The following ZNF529 variants were observed in gnomAD, a reference collection of about 807,000 sequenced individuals.
The protein encoded by ZNF529 is zinc finger protein 529.
In ZNF529, 11 loss-of-function variants were observed where a neutral mutation model predicts 10.1. That is an observed-to-expected ratio of 1.09 (90% CI 0.69 to 1.81). The LOEUF is 1.81. Ranked by LOEUF, ZNF529 falls within the 40% of genes most tolerant of loss-of-function variation. The pLI, the probability that ZNF529 is intolerant of heterozygous loss-of-function variation, is 0.00. For missense variants in ZNF529, 624 were observed against 666.8 expected (o/e 0.94, Z 0.71); for synonymous variants, 204 against 215.7 (o/e 0.95, Z 0.47).
In ZNF529 at chr19:36,551,303, T is replaced by C. The variant is rs543273679; in HGVS notation, c.236-2981A>G. ...GGTCTGGGATAGGGAGGGTATGGAA[T>C]GAGCCTTGGATAAGCTTTGGACAAA... On this transcript the variant is annotated intron_variant, in intron 4 of 4. Coordinates refer to ENST00000591340, the MANE Select transcript of ZNF529 (RefSeq NM_020951.5). Among the ~76,000 whole-genome samples, 20 of 152,328 alleles carry C rather than the reference T, an allele frequency of 1.3e-4. No homozygotes were observed. In the East Asian group the frequency reaches 3.5e-3, roughly 26 times the overall value.
chr19:36,591,190 T>G (rs1568617386), intron 1 of ZNF529, among the ~76,000 whole-genome samples: 3 of 150,380 alleles, frequency 2.0e-5, no homozygotes, highest in Non-Finnish European at 2.9e-5. Context: ...TCCCAGCTAC[T>G]CGGGAGGCTG....
chr19:36,575,452 T>G (rs2036292452), upstream of ZNF529, among the ~76,000 whole-genome samples: 2 of 149,644 alleles, frequency 1.3e-5, no homozygotes, highest in Non-Finnish European at 3.0e-5. Flanking sequence ...AGATTTGAGG[T>G]CCCCTCCCAC....
rs1307921588 is a variant in ZNF529 at position 36,547,689 on chromosome 19, G to T, written c.869C>A (p.Ser290Tyr). The change falls in exon 5 of 5, where the codon TCC becomes TAC. Residue 290 changes from serine (S) to tyrosine (Y), a missense_variant. Physicochemically the swap from Ser to Tyr is moderately radical, Grantham distance 144. Coordinates refer to ENST00000591340, the MANE Select transcript of ZNF529 (RefSeq NM_020951.5). Reference protein sequence around the residue: ...KHFECSFCGKSFRVHAQLTRH... With the variant: ...KHFECSFCGKYFRVHAQLTRH... ...AGTAAGTTGTGCATGCACTCTAAAG[G>T]ATTTCCCACAGAATGAGCATTCAAA... The T allele has an allele frequency of 2.5e-6, 4 of 1,613,840 alleles. No individual in the cohort carries two copies. In the East Asian group the frequency reaches 8.9e-5, roughly 36 times the overall value.
At chr19:36,561,799 T>A (rs1353637035) in intron 2 of ZNF529, among the ~76,000 whole-genome samples, 1 of 152,216 alleles carries the variant, frequency 6.6e-6, no homozygotes, top group Non-Finnish European at 1.5e-5. Flanking sequence ...CCAACCCCCA[T>A]CCCAGTGTGT....
In ZNF529 at chr19:36,547,206, T is replaced by C. The variant is rs796075805; in HGVS notation, c.1352A>G (p.Glu451Gly). ...ERIHSGQKPY[E>G]CKECGKFFRL... ...AAAGAACTTTCCACACTCCTTACATTCATAAGGTTTTTGACCACTGTGAAT... is the reference window on the plus strand; with the variant it reads ...AAAGAACTTTCCACACTCCTTACATCCATAAGGTTTTTGACCACTGTGAAT... Residue 451 changes from glutamate to glycine, a missense_variant, in exon 5 of 5, where the codon GAA becomes GGA. Coordinates refer to ENST00000591340, the MANE Select transcript of ZNF529 (RefSeq NM_020951.5). 6.2e-7 allele frequency: 1 copy of C among 1,613,830 alleles called. No homozygotes were observed. The highest frequency in any genetic ancestry group is 1.1e-5 in the South Asian group (1 of 91,078).
intron 2 of ZNF529, among the ~76,000 whole-genome samples, chr19:36,562,180 G>T (rs1422908349): frequency 6.6e-6 from 1 of 152,062 alleles, no homozygotes; most frequent in Non-Finnish European, 1.5e-5. Context: ...GGAGGTTGCG[G>T]TGAGCCGAGA....
rs536684914 is a variant in ZNF529 at position 36,554,816 on chromosome 19, C to T, written c.109-20G>A. ...CAGTTCCTGAAACAACAAACCCGTA[C>T]ATTACAGGTAAAATTTAAGGAAATA... On this transcript the variant is annotated intron_variant, in intron 3 of 4. Transcript: ENST00000591340. 2.6e-5 allele frequency: 39 copies of T among 1,512,242 alleles called. No individual in the cohort carries two copies. The highest frequency in any genetic ancestry group is 2.1e-4 in the African/African-American group (15 of 71,496). 93.7% of individuals were successfully genotyped at this position (1,512,242 alleles called of 1,614,324 possible). A position where few individuals can be genotyped will look rare whatever the true frequency, so the allele number is the denominator to read the frequency against.
intron 1 of ZNF529, chr19:36,593,925 C>T (rs1292293026): frequency 6.6e-6 from 1 of 152,074 alleles, no homozygotes; most frequent in Non-Finnish European, 1.5e-5. Context: ...CTTCCAAAAT[C>T]GGGGAGGTAA....
intron 2 of ZNF529, among the ~76,000 whole-genome samples, chr19:36,563,873 C>A (rs1261699574): frequency 6.6e-6 from 1 of 152,118 alleles, no homozygotes; most frequent in Non-Finnish European, 1.5e-5. Context: ...TGACTTCAAG[C>A]TATACTACAA....
Position 36,543,816 on chromosome 19 carries a change from T to G in ZNF529, c.*3050A>C, listed in dbSNP as rs1195799669. ...GTATCAAATTAGAATCACATTCTTA[T>G]GTCCTCATTGCCCTATGTCCAAATA... On this transcript the variant is annotated 3_prime_UTR_variant, in exon 5 of 5. Transcript: ENST00000591340. The G allele has an allele frequency of 6.6e-6, 1 of 152,100 alleles. No individual in the cohort carries two copies. Among genetic ancestry groups the G allele is most frequent in the Non-Finnish European group, 1.5e-5 (1 of 68,040 alleles). 9.4% of individuals were successfully genotyped at this position (152,100 alleles called of 1,614,324 possible). A position where few individuals can be genotyped will look rare whatever the true frequency, so the allele number is the denominator to read the frequency against.
intron 1 of ZNF529, chr19:36,594,572 A>G (rs1164739956): frequency 1.3e-5 from 2 of 152,484 alleles, no homozygotes; most frequent in Non-Finnish European, 2.9e-5. Context: ...ACCACACGTG[A>G]AAACGAGCAA....
intron 1 of ZNF529, chr19:36,589,769 T>C (rs1311763221): frequency 6.6e-6 from 1 of 151,954 alleles, no homozygotes; most frequent in African/African-American, 2.4e-5. Flanking sequence ...TTGATAAAAT[T>C]AATATTTTGC....
chr19:36,582,930 ATAT>A (rs2036502270), intron 2 of ZNF529, among the ~76,000 whole-genome samples: 1 of 152,190 alleles, frequency 6.6e-6, no homozygotes, highest in Non-Finnish European at 1.5e-5. Flanking sequence ...TGATAAGGCA[ATAT>A]TATGAACAAT....
upstream of ZNF529, chr19:36,577,279 A>T (rs982488172): frequency 5.0e-6 from 2 of 402,224 alleles, no homozygotes; most frequent in Non-Finnish European, 1.0e-5. Flanking sequence ...ATCGAAGTAG[A>T]ATAGGTAGAT....
chr19:36,582,381 T>C (rs944448377), intron 2 of ZNF529: 1 of 138,408 alleles, frequency 7.2e-6, no homozygotes, highest in Non-Finnish European at 1.6e-5. Context: ...TGCTATATGC[T>C]AAACCAAAAG....
chr19:36,570,891 A>G (rs558922791), intron 2 of ZNF529, among the ~76,000 whole-genome samples: 44 of 152,286 alleles, frequency 2.9e-4, no homozygotes, highest in African/African-American at 1.1e-3. Flanking sequence ...CTCTAGGTTT[A>G]TGTCCATATT....
chr19:36,581,497 A>C (rs1193879186), intron 2 of ZNF529: 1 of 152,242 alleles, frequency 6.6e-6, no homozygotes. Context: ...ATGAATGGAT[A>C]AACAAAATGT....
chr19:36,545,913 T>G lies in ZNF529; in HGVS notation c.*953A>C, dbSNP rs1413730481. ...AAATATTTAAAAGAGTTCTCTTCAT[T>G]TGGATCCTGGTTGGTATAGCCTGCA... On this transcript the variant is annotated 3_prime_UTR_variant, in exon 5 of 5. Transcript: ENST00000591340. 1 of 151,802 alleles carries G rather than the reference T, an allele frequency of 6.6e-6. No individual in the cohort carries two copies. Among genetic ancestry groups the G allele is most frequent in the Non-Finnish European group, 1.5e-5 (1 of 67,916 alleles). 9.4% of individuals were successfully genotyped at this position (151,802 alleles called of 1,614,324 possible). A position where few individuals can be genotyped will look rare whatever the true frequency, so the allele number is the denominator to read the frequency against.
At chr19:36,600,522 A>G (rs1039542976) in intron 1 of ZNF529, among the ~76,000 whole-genome samples, 8 of 152,176 alleles carry the variant, frequency 5.3e-5, no homozygotes, top group South Asian at 4.1e-4. Context: ...GTAGTATTAC[A>G]TCACTTGGAT....
Sources: gnomAD v4.1 joint callset for allele counts (sites outside exome capture counted in the v4.1 genomes callset) on GRCh38, gnomAD v4.1.1 for gene constraint, MANE v1.5 for transcripts, NCBI Gene and HGNC (gene_info 2026-07-23, HGNC 2026-07-21) for gene names.